MTMR14: variants seen among roughly 807,000 people sequenced by gnomAD.
MTMR14 encodes myotubularin related protein 14.
In MTMR14, 48 loss-of-function variants were observed where a neutral mutation model predicts 86.3. The ratio of observed to expected loss-of-function variants is 0.56; its 90% CI spans 0.44 to 0.71. The LOEUF is 0.71. Among genes scored for constraint, MTMR14 ranks in the 30% least tolerant of loss-of-function variants. MTMR14 has a pLI of 0.00. For missense variants in MTMR14, 780 were observed against 834.6 expected (o/e 0.93, Z 0.81); for synonymous variants, 366 against 326.1 (o/e 1.12, Z -1.32).
chr3:9,653,651 C>G lies in MTMR14; in HGVS notation c.190C>G (p.Leu64Val). 1 of 1,614,144 alleles carries G rather than the reference C, an allele frequency of 6.2e-7. No individual in the cohort carries two copies. Among genetic ancestry groups the G allele is most frequent in the Non-Finnish European group, 8.5e-7 (1 of 1,180,044 alleles). Residue 64 changes from leucine to valine, a missense_variant, in exon 2 of 19, where the codon CTG becomes GTG. Coordinates refer to ENST00000296003, the MANE Select transcript of MTMR14 (RefSeq NM_001077525.3). The stretch of plus-strand genomic sequence containing the variant: ...GCGCATTGAGAAGAGATGTCTGGAG[C>G]TGTTTGGCCGAGACTACTGTTTCAG... ...VERIEKRCLE[L>V]FGRDYCFSVI...
Position 9,688,644 on chromosome 3 carries a change from CAAT to C in MTMR14, c.1236-49_1236-47del, listed in dbSNP as rs1553682710. 5 of 1,601,366 alleles carry C rather than the reference CAAT, an allele frequency of 3.1e-6. No homozygotes were observed. In the African/African-American group the frequency reaches 6.7e-5, roughly 21 times the overall value. On this transcript the variant is annotated intron_variant, in intron 14 of 18. Transcript: ENST00000296003. ...CAGGCAGGATTGGGAACGGGGGACA[CAAT>C]AAGACCCCAGATAGATCTGGAATTT...
intron 2 of MTMR14, among the ~76,000 whole-genome samples, chr3:9,654,674 G>A (rs1399790221): frequency 6.6e-6 from 1 of 152,254 alleles, no homozygotes; most frequent in East Asian, 1.9e-4. Context: ...CCCCGTGGGT[G>A]AAATGTTGTG....
intron 12 of MTMR14, 29 bp from the exon 13 acceptor site, chr3:9,685,182 A>G (rs958460125): frequency 1.2e-6 from 2 of 1,613,932 alleles, no homozygotes; most frequent in Admixed American, 1.7e-5. Context: ...GGTGCTGCTG[A>G]CTTTGCCTCT....
chr3:9,691,967 A>G (rs896506588), intron 17 of MTMR14, among the ~76,000 whole-genome samples: 2 of 152,138 alleles, frequency 1.3e-5, no homozygotes, highest in African/African-American at 4.8e-5. Context: ...TCTGACTTGG[A>G]TGCCTGTTGG....
At chr3:9,672,853 G>A in intron 7 of MTMR14, 95 bp downstream of exon 7, 2 of 1,163,188 alleles carry the variant, frequency 1.7e-6, no homozygotes, top group South Asian at 2.4e-5. Flanking sequence ...GGCGCCCTGG[G>A]AGCTTTCCTG....
intron 14 of MTMR14, 113 bp downstream of exon 14, chr3:9,688,004 G>A: frequency 2.2e-6 from 2 of 922,578 alleles, no homozygotes. Context: ...TGCTTGTTGG[G>A]CTGGTGCTCC....
chr3:9,687,373 G>A (rs1435582768), intron 13 of MTMR14, among the ~76,000 whole-genome samples: 1 of 151,990 alleles, frequency 6.6e-6, no homozygotes, highest in Non-Finnish European at 1.5e-5. Flanking sequence ...GGCTAACACG[G>A]TGAAACCCTG....
chr3:9,659,644 A>G (rs2047808400), intron 2 of MTMR14: 10 of 452,874 alleles, frequency 2.2e-5, no homozygotes, highest in South Asian at 1.4e-4. Context: ...GGGTTTCACC[A>G]TGTTGGCCAG....
chr3:9,701,164 C>T lies in MTMR14; in HGVS notation c.1770-626C>T, dbSNP rs1373579628. ...TACTGTTAGGTATAAGACTTCATGCCTCAGCTTGCTCTTCCTGAGGAGTGG... is the reference window on the plus strand; with the variant it reads ...TACTGTTAGGTATAAGACTTCATGCTTCAGCTTGCTCTTCCTGAGGAGTGG... On this transcript the variant is annotated intron_variant, in intron 18 of 18. Transcript: ENST00000296003. This position sits in a 1 kb window ranked among gnomAD's most constrained non-coding sequence, Gnocchi z 4.2. 6.3e-6 allele frequency: 1 copy of T among 159,442 alleles called. No homozygotes were observed. Among genetic ancestry groups the T allele is most frequent in the Non-Finnish European group, 1.4e-5 (1 of 72,274 alleles). The allele number at this position is 159,442 out of a possible 1,614,324, so 9.9% of individuals were successfully genotyped here.
intron 18 of MTMR14, among the ~76,000 whole-genome samples, chr3:9,698,217 G>A (rs1302959209): frequency 6.6e-6 from 1 of 152,274 alleles, no homozygotes; most frequent in Non-Finnish European, 1.5e-5. Flanking sequence ...GAAGGTAGGT[G>A]TATGGTGGAG....
intron 15 of MTMR14, 41 bp from the exon 16 acceptor site, chr3:9,688,903 G>T (rs1193464792): frequency 6.2e-7 from 1 of 1,613,822 alleles, no homozygotes; most frequent in East Asian, 2.2e-5. Flanking sequence ...CCAGTAGTGG[G>T]AGAAGGTAAC....
intron 17 of MTMR14, 69 bp downstream of exon 17, chr3:9,690,212 G>T: frequency 1.3e-6 from 2 of 1,556,392 alleles, no homozygotes; most frequent in Non-Finnish European, 8.8e-7. Context: ...TGGAGGGTCG[G>T]GGGCCAGCAC....
intron 4 of MTMR14, 99 bp from the exon 5 acceptor site, chr3:9,669,332 GC>G: frequency 8.2e-7 from 1 of 1,215,044 alleles, no homozygotes; most frequent in Non-Finnish European, 1.2e-6. Flanking sequence ...TGTAGTCCCA[GC>G]CCACCCTTGG....
At chr3:9,689,165 G>A in intron 16 of MTMR14, 83 bp downstream of exon 16, 7 of 1,579,380 alleles carry the variant, frequency 4.4e-6, no homozygotes, top group Non-Finnish European at 4.3e-6. Flanking sequence ...GGAGCCCCAA[G>A]AACAAAGCAG....
intron 14 of MTMR14, among the ~76,000 whole-genome samples, chr3:9,688,399 C>T (rs1477366262): frequency 6.6e-6 from 1 of 152,210 alleles, no homozygotes; most frequent in East Asian, 1.9e-4. Flanking sequence ...AGTTGGTTTG[C>T]CTTCCTAATC....
chr3:9,668,893 A>G (rs1326435022), intron 4 of MTMR14, 99 bp downstream of exon 4: 2 of 1,259,446 alleles, frequency 1.6e-6, no homozygotes, highest in African/African-American at 1.5e-5. Flanking sequence ...TAATCTCAAC[A>G]CTTTGGGAGG....
chr3:9,690,113 G>GT lies in MTMR14; in HGVS notation c.1584dup (p.Ser529Ter), dbSNP rs1559611990. 6.2e-7 allele frequency: 1 copy of GT among 1,613,804 alleles called. No homozygotes were observed. Among genetic ancestry groups the GT allele is most frequent in the Admixed American group, 1.7e-5 (1 of 60,028 alleles). On this transcript the variant is annotated frameshift_variant, in exon 17 of 19. Coordinates refer to ENST00000296003, the MANE Select transcript of MTMR14 (RefSeq NM_001077525.3). LOFTEE classifies it high-confidence loss of function. ...CATTCTGATAACTTTTTCAGGATGGGTAGCAGTCCCCTGGAGGTCCCCAAA... is the reference window on the plus strand; with the variant it reads ...CATTCTGATAACTTTTTCAGGATGGGTTAGCAGTCCCCTGGAGGTCCCCAAA...
At chr3:9,695,215 A>C (rs9859728) in intron 17 of MTMR14, among the ~76,000 whole-genome samples, 13,271 of 152,202 alleles carry the variant, frequency 0.087, 986 homozygotes, top group African/African-American at 0.19. Context: ...GACATGATGC[A>C]CTGTAGGTGT....
At position 9,702,293 on chromosome 3, in the gene MTMR14, C is replaced by T. The variant is rs2076484714; in HGVS notation, c.*320C>T. The T allele has an allele frequency of 6.8e-6, 3 of 441,154 alleles. No homozygotes were observed. The highest frequency in any genetic ancestry group is 8.5e-6 in the Non-Finnish European group (2 of 236,670). The allele number at this position is 441,154 out of a possible 1,614,324, so 27.3% of individuals were successfully genotyped here. A position where few individuals can be genotyped will look rare whatever the true frequency, so the allele number is the denominator to read the frequency against. On this transcript the variant is annotated 3_prime_UTR_variant, in exon 19 of 19. Transcript: ENST00000296003. ...AAGCCATGACTTCACAAAGACCCTA[C>T]CTGTCAGTTCTTGTTTCTGGGGAGG...
Sources: gnomAD v4.1 joint callset for allele counts (sites outside exome capture counted in the v4.1 genomes callset) on GRCh38, gnomAD v4.1.1 for gene constraint, Gnocchi (gnomAD v3.1) non-coding constraint, MANE v1.5 for transcripts, NCBI Gene and HGNC (gene_info 2026-07-23, HGNC 2026-07-21) for gene names.